NRG1: variants seen among roughly 807,000 people sequenced by gnomAD.
The protein encoded by NRG1 is neuregulin 1, also known as pro-neuregulin-1, membrane-bound isoform.
NRG1 carries 18 observed loss-of-function variants against 63.8 expected under a neutral mutation model. That is an observed-to-expected ratio of 0.28 (90% CI 0.19 to 0.42). The LOEUF is 0.42. Among genes scored for constraint, NRG1 ranks in the 10% least tolerant of loss-of-function variants. NRG1 has a pLI of 1.00. For synonymous variants in NRG1, 302 were observed against 301.3 expected (o/e 1.00, Z -0.02); for missense variants, 762 against 814.7 (o/e 0.94, Z 0.79).
At chr8:31,971,547 TG>T (rs1170394412) in intron 1 of NRG1, among the ~76,000 whole-genome samples, 1 of 152,020 alleles carries the variant, frequency 6.6e-6, no homozygotes, top group Non-Finnish European at 1.5e-5. Flanking sequence ...GAAAAAAAAA[TG>T]CCTACATTTG....
Position 32,447,485 on chromosome 8 carries a change from T to A in NRG1, c.38-148343T>A, listed in dbSNP as rs16879409. Among the ~76,000 whole-genome samples the A allele has an allele frequency of 7.8e-3, 1,190 of 152,266 alleles. 16 individuals carry two copies. The highest frequency in any genetic ancestry group is 0.026 in the African/African-American group (1,095 of 41,564). ...ATTTGCATACAGAGGAAATTGATAA[T>A]CTTGAGACATCAGCATACTAGAATA... On this transcript the variant is annotated intron_variant, in intron 1 of 10. Coordinates refer to the NRG1 transcript ENST00000519301.
At chr8:32,728,522 A>G (rs562695749) in intron 6 of NRG1, 2 of 985,312 alleles carry the variant, frequency 2.0e-6, no homozygotes, top group Non-Finnish European at 2.4e-6. Context: ...GCAGAAGGGC[A>G]GAAGATTATT....
At chr8:32,560,888 G>A (rs1262089599) in intron 1 of NRG1, among the ~76,000 whole-genome samples, 2 of 151,898 alleles carry the variant, frequency 1.3e-5, no homozygotes, top group Non-Finnish European at 2.9e-5. Flanking sequence ...TGTTTGCTAT[G>A]TTAAGAGTTT....
chr8:32,620,763 C>T (rs1848207228), intron 5 of NRG1, among the ~76,000 whole-genome samples: 1 of 151,620 alleles, frequency 6.6e-6, no homozygotes, highest in Non-Finnish European at 1.5e-5. Context: ...TTGAGGCTGT[C>T]CTAAGTTATG....
intron 1 of NRG1, among the ~76,000 whole-genome samples, chr8:32,526,617 C>CCT (rs1830870162): frequency 6.6e-6 from 1 of 152,018 alleles, no homozygotes; most frequent in Non-Finnish European, 1.5e-5. Flanking sequence ...ACTGGAGTCC[C>CCT]CTCTCTCTCA....
intron 5 of NRG1, among the ~76,000 whole-genome samples, chr8:32,621,126 T>C (rs867233143): frequency 9.8e-5 from 15 of 152,288 alleles, no homozygotes; most frequent in African/African-American, 3.4e-4. Flanking sequence ...GTCCTTCCCT[T>C]TGTAAGACAA....
At chr8:32,704,544 A>G (rs1352632516) in intron 5 of NRG1, among the ~76,000 whole-genome samples, 1 of 152,216 alleles carries the variant, frequency 6.6e-6, no homozygotes, top group Non-Finnish European at 1.5e-5. Flanking sequence ...AACAAAAGGC[A>G]TAGTTAAAAA....
intron 1 of NRG1, among the ~76,000 whole-genome samples, chr8:32,148,816 T>C (rs1837188649): frequency 6.6e-6 from 1 of 152,218 alleles, no homozygotes; most frequent in Non-Finnish European, 1.5e-5. Flanking sequence ...CTATTGTAAG[T>C]TGCAGTCATA....
chr8:31,741,496 T>C (rs923542353), intron 1 of NRG1, among the ~76,000 whole-genome samples: 1 of 151,700 alleles, frequency 6.6e-6, no homozygotes, highest in African/African-American at 2.4e-5. Flanking sequence ...AAAGAAACAA[T>C]ATCCAGAATA....
chr8:32,097,567 T>G (rs1830050398), intron 1 of NRG1, among the ~76,000 whole-genome samples: 1 of 152,172 alleles, frequency 6.6e-6, no homozygotes, highest in South Asian at 2.1e-4. Context: ...CTCATTGTGG[T>G]TTTGATTTGC....
At chr8:32,426,892 T>C (rs1043838348) in intron 1 of NRG1, among the ~76,000 whole-genome samples, 1 of 152,196 alleles carries the variant, frequency 6.6e-6, no homozygotes, top group Non-Finnish European at 1.5e-5. Context: ...AAGACGAAAG[T>C]TGAGCAAAAG....
intron 1 of NRG1, among the ~76,000 whole-genome samples, chr8:32,520,192 A>C (rs1247573200): frequency 6.6e-6 from 1 of 151,936 alleles, no homozygotes; most frequent in Non-Finnish European, 1.5e-5. Context: ...ACAGGGTCTC[A>C]CTCTGTTGCC....
intron 1 of NRG1, among the ~76,000 whole-genome samples, chr8:31,806,157 A>C (rs1822265503): frequency 6.6e-6 from 1 of 152,170 alleles, no homozygotes; most frequent in South Asian, 2.1e-4. Flanking sequence ...TATAATAGTC[A>C]AAAAGAAAAG....
intron 2 of NRG1, among the ~76,000 whole-genome samples, chr8:32,598,740 T>C (rs1843796843): frequency 6.6e-6 from 1 of 152,104 alleles, no homozygotes. Context: ...TGAGAAGCGA[T>C]CATCTTATCA....
Position 31,891,581 on chromosome 8 carries a change from A to G in NRG1, c.37+252150A>G, listed in dbSNP as rs113835375. Among the ~76,000 whole-genome samples, 857 of 152,286 alleles carry G rather than the reference A, an allele frequency of 5.6e-3. 3 individuals are homozygous for G. The highest frequency in any genetic ancestry group is 0.018 in the African/African-American group (751 of 41,566). On this transcript the variant is annotated intron_variant, in intron 1 of 10. Coordinates refer to the NRG1 transcript ENST00000519301. ...ACAGCCCATACTAGGAAAGAGTTCA[A>G]TTTCATAAATTAAACATACAACTAC...
intron 1 of NRG1, among the ~76,000 whole-genome samples, chr8:32,293,521 C>A (rs983766395): frequency 3.9e-5 from 6 of 151,968 alleles, no homozygotes; most frequent in Non-Finnish European, 8.8e-5. Context: ...AGGTTTGTAG[C>A]CATTTAGCAG....
chr8:32,616,963 A>C, intron 5 of NRG1, 78 bp downstream of exon 5: 3 of 1,062,382 alleles, frequency 2.8e-6, no homozygotes, highest in Non-Finnish European at 2.9e-6. Context: ...GTTCACGTCT[A>C]TCTTCTGCCC....
chr8:32,757,266 T>C (rs1564120788), intron 9 of NRG1, among the ~76,000 whole-genome samples: 1 of 152,204 alleles, frequency 6.6e-6, no homozygotes, highest in African/African-American at 2.4e-5. Context: ...CTTTTTCTTT[T>C]TACAGATAAG....
At chr8:32,647,575 A>T (rs1406468930) in intron 5 of NRG1, 25 of 1,370,806 alleles carry the variant, frequency 1.8e-5, no homozygotes, top group Non-Finnish European at 2.3e-5. Context: ...CATCTTTCTG[A>T]ACTCTTCTTG....
Sources: allele counts gnomAD v4.1 joint callset (sites outside exome capture counted in the v4.1 genomes callset), GRCh38; gene constraint gnomAD v4.1.1; transcripts MANE v1.5; gene names NCBI Gene and HGNC (gene_info 2026-07-23, HGNC 2026-07-21).